The following TLR8 variants were observed in gnomAD, a reference collection of about 807,000 sequenced individuals.
The protein encoded by TLR8 is toll like receptor 8.
Under a neutral mutation model 18.5 loss-of-function variants are expected in TLR8, and 5 were observed. That is an observed-to-expected ratio of 0.27 (90% CI 0.14 to 0.57). The LOEUF is 0.57. Ranked by LOEUF, TLR8 falls within the 20% of genes least tolerant of loss-of-function variation. TLR8 has a pLI of 0.92. For missense variants in TLR8, 543 were observed against 769.8 expected (o/e 0.71, Z 3.49); for synonymous variants, 299 against 300.1 (o/e 1.00, Z 0.04).
In TLR8 at chrX:12,922,388, CAT is replaced by C. The variant is rs765656028; in HGVS notation, c.*224_*225del. 6 of 399,264 alleles carry C rather than the reference CAT, an allele frequency of 1.5e-5. No homozygotes were observed. Among genetic ancestry groups the C allele is most frequent in the Non-Finnish European group, 2.6e-5 (6 of 234,806 alleles). The allele number at this position is 399,264 out of a possible 1,213,427, so 32.9% of individuals were successfully genotyped here. A position where few individuals can be genotyped will look rare whatever the true frequency, so the allele number is the denominator to read the frequency against. On this transcript the variant is annotated 3_prime_UTR_variant, in exon 2 of 2. Coordinates refer to ENST00000218032, the MANE Select transcript of TLR8 (RefSeq NM_138636.5). ...CTGCAATGTAGGTGTTCACCAGAGA[CAT>C]AGGCATCACTGGGGTCACACTCATG...
chrX:12,917,015 T>A, intron 1 of TLR8, among the ~76,000 whole-genome samples: 1 of 111,686 alleles, frequency 9.0e-6, no homozygotes. Flanking sequence ...TTCTCATGCA[T>A]CCTACCCCTC....
At chrX:12,918,829 A>G (rs5741888) in intron 1 of TLR8, among the ~76,000 whole-genome samples, 8,355 of 111,968 alleles carry the variant, frequency 0.075, 772 homozygotes, top group African/African-American at 0.26. Flanking sequence ...GCCACCACAC[A>G]CAGCCCATCT....
chrX:12,912,536 G>T (rs2147254973), intron 1 of TLR8, among the ~76,000 whole-genome samples: 1 of 113,653 alleles, frequency 8.8e-6, no homozygotes, highest in African/African-American at 3.2e-5. Flanking sequence ...ACTCTGTGCA[G>T]TCCTGCACGG....
chrX:12,916,629 T>A (rs112867497), intron 1 of TLR8, among the ~76,000 whole-genome samples: 1,228 of 111,990 alleles, frequency 0.011, 19 homozygotes, highest in African/African-American at 0.038. Flanking sequence ...AGCATCTAGA[T>A]ATATTAGTTT....
chrX:12,916,871 A>AC (rs753478197), intron 1 of TLR8, among the ~76,000 whole-genome samples: 2 of 109,921 alleles, frequency 1.8e-5, no homozygotes, highest in East Asian at 5.7e-4. Context: ...TCGACTCACT[A>AC]CCCCACCACC....
At chrX:12,910,741 G>T (rs1056889721) in intron 1 of TLR8, among the ~76,000 whole-genome samples, 1 of 112,250 alleles carries the variant, frequency 8.9e-6, no homozygotes, top group African/African-American at 3.2e-5. Flanking sequence ...AATTTCAGAA[G>T]AAAGATTTGG....
In TLR8 at chrX:12,909,989, A is replaced by G. The variant is rs772274007; in HGVS notation, c.3+3280A>G. On this transcript the variant is annotated intron_variant, in intron 1 of 1. Coordinates refer to ENST00000218032, the MANE Select transcript of TLR8 (RefSeq NM_138636.5). ...GACCCATCTCTTTAATGATAAGTGC[A>G]CTTAATGTGGTCATGTTTTCTTTTG... Among the ~76,000 whole-genome samples, 22 of 112,296 alleles carry G rather than the reference A, an allele frequency of 2.0e-4. 1 individual carries two copies. The South Asian group carries it at 8.1e-3, about 41-fold the overall frequency.
rs1777956153 is a variant in TLR8, at chrX:12,921,955, T to C, written c.2915T>C (p.Met972Thr). 1 of 1,211,291 alleles carries C rather than the reference T, an allele frequency of 8.3e-7. No individual in the cohort carries two copies. The highest frequency in any genetic ancestry group is 2.3e-4 in the Middle Eastern group (1 of 4,351). The stretch of plus-strand genomic sequence containing the variant: ...TTGCAGAGGCTAATGGATGAGAACA[T>C]GGATGTGATTATATTTATCCTGCTG... ...LALQRLMDENMDVIIFILLEP... is the reference protein window; with the variant it reads ...LALQRLMDENTDVIIFILLEP... The change falls in exon 2 of 2, where the codon ATG (methionine) becomes ACG (threonine). Residue 972 changes from methionine to threonine, a missense_variant. Physicochemically the swap from Met to Thr is moderately conservative, Grantham distance 81. Coordinates refer to ENST00000218032, the MANE Select transcript of TLR8 (RefSeq NM_138636.5).
intron 1 of TLR8, chrX:12,910,257 C>T: frequency 9.4e-7 from 1 of 1,064,807 alleles, no homozygotes; most frequent in Non-Finnish European, 1.2e-6. Flanking sequence ...TGTGCTGAAG[C>T]AGCTAAGTAA....
chrX:12,906,739 T>C (rs747619703), intron 1 of TLR8, 30 bp downstream of exon 1: 1 of 1,094,782 alleles, frequency 9.1e-7, no homozygotes, highest in Admixed American at 3.5e-5. Context: ...TTAGCAAAGC[T>C]TTCCAACAGA....
chrX:12,919,006 T>C (rs985423280), intron 1 of TLR8, 38 bp from the exon 2 acceptor site: 5 of 1,156,851 alleles, frequency 4.3e-6, no homozygotes, highest in Middle Eastern at 4.8e-4. Context: ...CAAATACTGC[T>C]ACTCTAATAC....
intron 1 of TLR8, among the ~76,000 whole-genome samples, chrX:12,918,694 C>T (rs1052940991): frequency 1.8e-5 from 2 of 110,384 alleles, no homozygotes; most frequent in Non-Finnish European, 3.8e-5. Context: ...CCACTACGCC[C>T]GGCTAATTTT....
In TLR8 at chrX:12,919,870, AT is replaced by A; in HGVS notation, c.831del (p.Asn277LysfsTer2). On this transcript the variant is annotated frameshift_variant, in exon 2 of 2. Coordinates refer to ENST00000218032, the MANE Select transcript of TLR8 (RefSeq NM_138636.5). LOFTEE classifies it low-confidence loss of function (END_TRUNC). The part of the protein sequence containing the change: ...CVPCDGGASI[N>X]IDRFAFQNLT... ...CCTTGTGATGGTGGTGCTTCAATTA[AT>A]ATAGATCGTTTTGCTTTTCAAAACT... 8.3e-7 allele frequency: 1 copy of A among 1,211,733 alleles called. No individual in the cohort carries two copies. Among genetic ancestry groups the A allele is most frequent in the Non-Finnish European group, 1.1e-6 (1 of 895,485 alleles).
At position 12,918,897 on chromosome X, in the gene TLR8, C is replaced by A. The variant is rs1351327985; in HGVS notation, c.4-147C>A. On this transcript the variant is annotated intron_variant, in intron 1 of 1. Transcript: ENST00000218032. The stretch of plus-strand genomic sequence containing the variant: ...AGTAAAAAAGTAAAATCATTCTGGA[C>A]CTAATCTGATGCAATTTATTTAATT... 4 of 651,653 alleles carry A rather than the reference C, an allele frequency of 6.1e-6. No homozygotes were observed. In the Admixed American group the frequency reaches 1.0e-4, roughly 16 times the overall value. The allele number at this position is 651,653 out of a possible 1,213,427, so 53.7% of individuals were successfully genotyped here. A position where few individuals can be genotyped will look rare whatever the true frequency, so the allele number is the denominator to read the frequency against.
At chrX:12,910,211 T>C in intron 1 of TLR8, 2 of 848,695 alleles carry the variant, frequency 2.4e-6, no homozygotes. Flanking sequence ...CTATTTCCAG[T>C]CTGGCAAAAA....
intron 1 of TLR8, among the ~76,000 whole-genome samples, chrX:12,908,668 AAC>A (rs10568250): frequency 0.037 from 4,172 of 112,480 alleles, 211 homozygotes; most frequent in African/African-American, 0.13. Context: ...TTAGAACATC[AAC>A]AGTTTTTTGG....
chrX:12,917,220 T>C (rs749949925), intron 1 of TLR8, among the ~76,000 whole-genome samples: 11 of 112,245 alleles, frequency 9.8e-5, no homozygotes, highest in African/African-American at 2.3e-4. Context: ...AGGCTTGTTT[T>C]AGTGCAAGTT....
In TLR8 at chrX:12,922,017, C is replaced by T; in HGVS notation, c.2977C>T (p.Arg993Trp). The T allele has an allele frequency of 8.3e-7, 1 of 1,211,614 alleles. No homozygotes were observed. Among genetic ancestry groups the T allele is most frequent in the Non-Finnish European group, 1.1e-6 (1 of 895,500 alleles). ...ACAGCATTCTCAGTATTTGAGGCTA[C>T]GGCAGCGGATCTGTAAGAGCTCCAT... is the stretch of plus-strand genomic sequence containing the variant. ...VLQHSQYLRL[R>W]QRICKSSILQ... Residue 993 changes from arginine to tryptophan, a missense_variant, in exon 2 of 2, where the codon CGG becomes TGG. Coordinates refer to ENST00000218032, the MANE Select transcript of TLR8 (RefSeq NM_138636.5).
In TLR8 at chrX:12,922,067, G is replaced by A. The variant is rs1301874955; in HGVS notation, c.3027G>A (p.Lys1009=). ...SSILQWPDNP[K]AEGLFWQTLR... ...TCCTCCAGTGGCCTGACAACCCGAA[G>A]GCAGAAGGCTTGTTTTGGCAAACTC... The change falls in exon 2 of 2, where the codon AAG becomes AAA. Residue 1009 remains lysine, a synonymous_variant. Transcript: ENST00000218032. The A allele has an allele frequency of 8.3e-7, 1 of 1,209,897 alleles. No homozygotes were observed. Among genetic ancestry groups the A allele is most frequent in the Non-Finnish European group, 1.1e-6 (1 of 895,276 alleles).
Sources: allele counts gnomAD v4.1 joint callset (sites outside exome capture counted in the v4.1 genomes callset), GRCh38; gene constraint gnomAD v4.1.1; transcripts MANE v1.5; gene names NCBI Gene and HGNC (gene_info 2026-07-23, HGNC 2026-07-21).